BRD4: variants seen among roughly 807,000 people sequenced by gnomAD.
The protein encoded by BRD4 is bromodomain-containing protein 4.
Under a neutral mutation model 142.1 loss-of-function variants are expected in BRD4, and 16 were observed. The observed-to-expected ratio is 0.11, with a 90% CI of 0.08 to 0.17. BRD4 has a LOEUF of 0.17. BRD4 is among the 10% of genes least tolerant of loss of function. The pLI is 1.00. For synonymous variants in BRD4, 833 were observed against 707.5 expected, an observed-to-expected ratio of 1.18 and a Z score of -2.82; for missense variants, 1,424 against 1,810.9, an observed-to-expected ratio of 0.79 and a Z score of 3.88.
Position 15,236,742 on chromosome 19 carries a change from AG to A in BRD4, c.*1634del. 1 of 173,932 alleles carries A rather than the reference AG, an allele frequency of 5.7e-6. No individual in the cohort carries two copies. Among genetic ancestry groups the A allele is most frequent in the Non-Finnish European group, 1.2e-5 (1 of 80,444 alleles). 10.8% of individuals were successfully genotyped at this position (173,932 alleles called of 1,614,324 possible). Reference sequence around the variant, plus strand: ...GAGGGGCTAGGTAATCCCTGGCAGTAGTTCCTGTACAGAGGTGGTCTGGGGT... The same window carrying A: ...GAGGGGCTAGGTAATCCCTGGCAGTATTCCTGTACAGAGGTGGTCTGGGGT... On this transcript the variant is annotated 3_prime_UTR_variant, in exon 20 of 20. Coordinates refer to ENST00000679869, the MANE Select transcript of BRD4 (RefSeq NM_001379291.1).
At chr19:15,306,195 G>A (rs775431458) in intron 1 of BRD4, among the ~76,000 whole-genome samples, 3 of 152,102 alleles carry the variant, frequency 2.0e-5, no homozygotes, top group Non-Finnish European at 2.9e-5. Context: ...AATTTCCTTC[G>A]AGAACTCCTT....
intron 1 of BRD4, among the ~76,000 whole-genome samples, chr19:15,317,281 C>T (rs896881974): frequency 2.6e-5 from 4 of 152,118 alleles, no homozygotes; most frequent in Non-Finnish European, 5.9e-5. Flanking sequence ...GAAATATTCG[C>T]TAAAACAGAA....
At chr19:15,253,977 C>A (rs2047378217) in intron 11 of BRD4, 175 bp downstream of exon 11, 1 of 698,986 alleles carries the variant, frequency 1.4e-6, no homozygotes, top group South Asian at 1.8e-5. Context: ...GCACAGAGTG[C>A]AGGGCTATTC....
chr19:15,331,682 G>A (rs2048160548), intron 1 of BRD4, among the ~76,000 whole-genome samples: 1 of 152,132 alleles, frequency 6.6e-6, no homozygotes, highest in East Asian at 1.9e-4. Flanking sequence ...AGATGGGGGT[G>A]GGGGCGCGCT....
chr19:15,268,604 C>T (rs1220845600), intron 3 of BRD4, among the ~76,000 whole-genome samples: 3 of 152,140 alleles, frequency 2.0e-5, no homozygotes, highest in Admixed American at 1.3e-4. Context: ...CTCCTCACAC[C>T]TTCTCTACTA....
chr19:15,312,530 G>A (rs1286564535), intron 1 of BRD4, among the ~76,000 whole-genome samples: 2 of 152,182 alleles, frequency 1.3e-5, no homozygotes, highest in Non-Finnish European at 2.9e-5. Context: ...TACTCAGGAG[G>A]CTGAGGCAGG....
rs184323447 is a variant in BRD4, at chr19:15,288,787, T to C, written c.-34-15654A>G. ...GAGGAGGGCTGAGTTCTAAGCACAC[T>C]ACTCTGTGAATGGCATGAATGAGCT... On this transcript the variant is annotated intron_variant, in intron 1 of 19. Transcript: ENST00000679869. 2.7e-3 allele frequency among the ~76,000 whole-genome samples: 415 copies of C among 152,222 alleles called. 1 individual carries two copies. Among genetic ancestry groups the C allele is most frequent in the Non-Finnish European group, 4.8e-3 (324 of 68,006 alleles).
intron 1 of BRD4, among the ~76,000 whole-genome samples, chr19:15,302,390 T>C (rs1238020827): frequency 6.6e-6 from 1 of 152,116 alleles, no homozygotes; most frequent in Admixed American, 6.5e-5. Flanking sequence ...GAGTAACAGA[T>C]GTTCTCAGCC....
At chr19:15,248,911 T>C (rs2047315910) in intron 11 of BRD4, 2 of 354,952 alleles carry the variant, frequency 5.6e-6, no homozygotes, top group African/African-American at 4.0e-5. Context: ...AAAACATACT[T>C]GGGGTCTGGC....
At chr19:15,322,166 T>A (rs539882329) in intron 1 of BRD4, among the ~76,000 whole-genome samples, 2 of 152,222 alleles carry the variant, frequency 1.3e-5, no homozygotes, top group Non-Finnish European at 2.9e-5. Context: ...AAAGGTTTTA[T>A]GAAATATCCT....
intron 1 of BRD4, among the ~76,000 whole-genome samples, chr19:15,323,707 C>T (rs1247107819): frequency 6.6e-6 from 1 of 152,166 alleles, no homozygotes; most frequent in African/African-American, 2.4e-5. Flanking sequence ...TGCTGGCTGA[C>T]AATGTACCAG....
chr19:15,257,153 A>C lies in BRD4; in HGVS notation c.1362T>G (p.Phe454Leu). The C allele has an allele frequency of 6.2e-7, 1 of 1,607,942 alleles. No homozygotes were observed. The highest frequency in any genetic ancestry group is 8.5e-7 in the Non-Finnish European group (1 of 1,179,236). The change falls in exon 8 of 20, where the codon TTT (phenylalanine) becomes TTG (leucine). Residue 454 changes from phenylalanine (F) to leucine (L), a missense_variant. Physicochemically the swap from Phe to Leu is conservative, Grantham distance 22 (BLOSUM62 0). This residue lies in a region of BRD4 where 90 missense variants were observed against 93.2 expected (regional missense o/e 0.97). Coordinates refer to ENST00000679869, the MANE Select transcript of BRD4 (RefSeq NM_001379291.1). ...RKLQDVFEMR[F>L]AKMPDEPEEP... is the part of the protein sequence containing the mutation. ...CCTCAGGCTCGTCCGGCATCTTGGC[A>C]AAGCGCATTTCGAACACATCCTGGT...
intron 1 of BRD4, among the ~76,000 whole-genome samples, chr19:15,278,566 A>G (rs1483229752): frequency 7.1e-6 from 1 of 141,016 alleles, no homozygotes. Context: ...AAAAAAAAAG[A>G]AATAACTATG....
chr19:15,328,052 G>A (rs1368726014), intron 1 of BRD4, among the ~76,000 whole-genome samples: 1 of 151,780 alleles, frequency 6.6e-6, no homozygotes, highest in African/African-American at 2.4e-5. Context: ...TTAAAAAGAT[G>A]TTTGGTAGGA....
At chr19:15,255,828 G>A (rs894589745) in intron 9 of BRD4, among the ~76,000 whole-genome samples, 7 of 152,332 alleles carry the variant, frequency 4.6e-5, no homozygotes, top group Middle Eastern at 3.4e-3. Context: ...CATCCTTGCC[G>A]CCTATCCTCC....
chr19:15,265,225 C>G (rs1599465008), intron 5 of BRD4, 129 bp downstream of exon 5: 1 of 965,862 alleles, frequency 1.0e-6, no homozygotes, highest in East Asian at 2.8e-5. Flanking sequence ...GCAATTTCAA[C>G]ACAGCAAGAT....
chr19:15,317,336 T>C (rs1274025717), intron 1 of BRD4, among the ~76,000 whole-genome samples: 1 of 152,104 alleles, frequency 6.6e-6, no homozygotes, highest in East Asian at 1.9e-4. Context: ...GGGAGGGCAA[T>C]GTGGCAGTGA....
chr19:15,257,181 G>A lies in BRD4; in HGVS notation c.1342-8C>T, dbSNP rs752557141. On this transcript the variant is annotated splice_region_variant and splice_polypyrimidine_tract_variant and intron_variant, in intron 7 of 19. Coordinates refer to ENST00000679869, the MANE Select transcript of BRD4 (RefSeq NM_001379291.1). ...GCGCATTTCGAACACATCCTGGTGA[G>A]GGAAAGACATGCTGTGACGGCTGCT... The A allele has an allele frequency of 3.8e-5, 61 of 1,597,150 alleles. No homozygotes were observed. The Admixed American group carries it at 5.4e-4, about 14-fold the overall frequency.
chr19:15,257,040 C>G lies in BRD4; in HGVS notation c.1475G>C (p.Ser492Thr). 6.3e-7 allele frequency: 1 copy of G among 1,599,132 alleles called. No homozygotes were observed. Among genetic ancestry groups the G allele is most frequent in the Non-Finnish European group, 8.5e-7 (1 of 1,174,666 alleles). Residue 492 changes from serine (S) to threonine (T), a missense_variant, in exon 8 of 20, where the codon AGC (serine) becomes ACC (threonine). Transcript: ENST00000679869. ...AGTCGAACTGTCACTGTCCGAGGAGCTATCGCTGCTGCTGTCGCTGGATGA... is the reference window on the plus strand; with the variant it reads ...AGTCGAACTGTCACTGTCCGAGGAGGTATCGCTGCTGCTGTCGCTGGATGA... ...PPSSSDSSSDSSSDSDSSTDD... is the reference protein window; with the variant it reads ...PPSSSDSSSDTSSDSDSSTDD...
Sources: gnomAD v4.1 joint callset for allele counts (sites outside exome capture counted in the v4.1 genomes callset) on GRCh38, gnomAD v4.1.1 for gene constraint, gnomAD v4.1.1 regional missense constraint, MANE v1.5 for transcripts, NCBI Gene and HGNC (gene_info 2026-07-23, HGNC 2026-07-21) for gene names.